TENM1: variants seen among roughly 807,000 people sequenced by gnomAD.
The protein encoded by TENM1 is teneurin transmembrane protein 1.
A neutral mutation model predicts 174.8 loss-of-function variants in TENM1; 35 were observed. The observed-to-expected ratio is 0.20, with a 90% CI of 0.15 to 0.27. The LOEUF (loss-of-function observed/expected upper bound fraction) is 0.27, where lower values mean the gene tolerates loss of function less well. Ranked by LOEUF, TENM1 falls within the 10% of genes least tolerant of loss-of-function variation. The pLI, the probability that TENM1 is intolerant of heterozygous loss-of-function variation, is 1.00. For synonymous variants in TENM1, 781 were observed against 798.7 expected, an observed-to-expected ratio of 0.98 and a Z score of 0.37; for missense variants, 1,633 against 2,130.1, an observed-to-expected ratio of 0.77 and a Z score of 4.59.
At chrX:124,921,526 T>C (rs2058022889) in intron 1 of TENM1, among the ~76,000 whole-genome samples, 1 of 111,996 alleles carries the variant, frequency 8.9e-6, no homozygotes, top group Non-Finnish European at 1.9e-5. Context: ...TATTAAATGT[T>C]ATATGTTATA....
chrX:124,906,390 T>C (rs2057749608), intron 1 of TENM1, among the ~76,000 whole-genome samples: 1 of 112,198 alleles, frequency 8.9e-6, no homozygotes, highest in Non-Finnish European at 1.9e-5. Flanking sequence ...CTGTATATAT[T>C]TGCGTATAAA....
chrX:124,998,741 A>G, the TENM1 span, among the ~76,000 whole-genome samples: 2 of 111,662 alleles, frequency 1.8e-5, no homozygotes, highest in Non-Finnish European at 3.8e-5. Flanking sequence ...TTGGATGTAT[A>G]CTTCAATATA....
At chrX:124,477,841 T>A (rs1197757347) in intron 22 of TENM1, among the ~76,000 whole-genome samples, 1 of 111,886 alleles carries the variant, frequency 8.9e-6, no homozygotes, top group Admixed American at 9.5e-5. Context: ...CTGTAAACTG[T>A]GTGAAACTGG....
intron 23 of TENM1, among the ~76,000 whole-genome samples, chrX:124,426,152 C>G: frequency 9.1e-6 from 1 of 110,449 alleles, no homozygotes; most frequent in Non-Finnish European, 1.9e-5. Context: ...GATTCAATGC[C>G]TACCCTGACA....
chrX:124,406,335 T>C (rs929066064), exon 26 of TENM1: 1 of 1,207,913 alleles, frequency 8.3e-7, no homozygotes, highest in Non-Finnish European at 1.1e-6. Context: ...AAAATATATA[T>C]GGTACTAGTT....
chrX:124,713,581 T>A (rs1178676039), intron 4 of TENM1, among the ~76,000 whole-genome samples: 1 of 112,503 alleles, frequency 8.9e-6, no homozygotes, highest in African/African-American at 3.2e-5. Context: ...AGATCCTTTT[T>A]AAACCTTTCA....
intron 3 of TENM1, among the ~76,000 whole-genome samples, chrX:124,853,613 G>C (rs2056762744): frequency 9.0e-6 from 1 of 111,145 alleles, no homozygotes; most frequent in Non-Finnish European, 1.9e-5. Context: ...CTATGAGGTA[G>C]AAAGCAACAT....
intron 10 of TENM1, among the ~76,000 whole-genome samples, chrX:124,643,463 C>A (rs189998993): frequency 9.0e-6 from 1 of 111,431 alleles, no homozygotes; most frequent in African/African-American, 3.3e-5. Context: ...ATTGCCACCA[C>A]GTAGCAATGT....
the TENM1 span, among the ~76,000 whole-genome samples, chrX:125,026,224 G>A: frequency 9.3e-6 from 1 of 107,567 alleles, no homozygotes; most frequent in African/African-American, 3.4e-5. Context: ...TAATACTCAA[G>A]AGAAAATAAA....
rs73550492 is a variant in TENM1, at chrX:124,537,776, G to A, written c.2652-7793C>T. On this transcript the variant is annotated intron_variant, in intron 15 of 31. Coordinates refer to ENST00000422452, the Ensembl canonical transcript of TENM1. Reference sequence around the variant, plus strand: ...AGAACCAGCTAGAGAGTCATTACAAGCAAATAGTATGACTGAGTAGTAGGT... The same window carrying A: ...AGAACCAGCTAGAGAGTCATTACAAACAAATAGTATGACTGAGTAGTAGGT... 2.5e-3 allele frequency among the ~76,000 whole-genome samples: 276 copies of A among 112,158 alleles called. 3 individuals carry two copies. Among genetic ancestry groups the A allele is most frequent in the African/African-American group, 8.6e-3 (266 of 30,923 alleles).
At chrX:125,024,977 A>G in the TENM1 span, among the ~76,000 whole-genome samples, 7 of 111,244 alleles carry the variant, frequency 6.3e-5, no homozygotes, top group African/African-American at 2.3e-4. Context: ...GTTCACTGTT[A>G]CTTGAACAAG....
intron 1 of TENM1, among the ~76,000 whole-genome samples, chrX:124,901,325 A>G (rs1460074401): frequency 9.0e-6 from 1 of 111,129 alleles, no homozygotes; most frequent in African/African-American, 3.3e-5. Flanking sequence ...TTTAAATGCT[A>G]TGAAGCACTG....
rs140882420 is a variant in TENM1 at position 124,383,673 on chromosome X, G to C, written c.7258C>G (p.Pro2420Ala). 18 of 1,209,545 alleles carry C rather than the reference G, an allele frequency of 1.5e-5. No individual in the cohort carries two copies. The highest frequency in any genetic ancestry group is 1.9e-5 in the Non-Finnish European group (17 of 893,720). ...GCAACATCTTGAATTTTGCCAACTG[G>C]GTAGTTATTTTCAAAGGAGTAGAGG... Residue 2420 changes from proline (P) to alanine (A), a missense_variant, in exon 30 of 32, where the codon CCA becomes GCA. Coordinates refer to ENST00000422452, the Ensembl canonical transcript of TENM1.
the TENM1 span, among the ~76,000 whole-genome samples, chrX:125,175,704 C>T: frequency 9.1e-6 from 1 of 109,298 alleles, no homozygotes; most frequent in Non-Finnish European, 1.9e-5. Context: ...AGGAGGGCCA[C>T]ATAGCAGAAA....
At chrX:124,949,766 A>G (rs1434306488) in intron 1 of TENM1, among the ~76,000 whole-genome samples, 2 of 112,056 alleles carry the variant, frequency 1.8e-5, no homozygotes, top group African/African-American at 6.5e-5. Flanking sequence ...ACCCAGGAGT[A>G]TAGCCAAATT....
intron 11 of TENM1, among the ~76,000 whole-genome samples, chrX:124,578,064 T>G (rs1246987083): frequency 2.8e-5 from 3 of 105,797 alleles, no homozygotes; most frequent in Non-Finnish European, 3.9e-5. Context: ...CAGCTGGAAC[T>G]ACAGACACAT....
the TENM1 span, among the ~76,000 whole-genome samples, chrX:125,084,973 G>A: frequency 9.0e-6 from 1 of 110,715 alleles, no homozygotes; most frequent in Admixed American, 9.7e-5. Flanking sequence ...CATAGTTTCT[G>A]AGGTCTTTTC....
the TENM1 span, among the ~76,000 whole-genome samples, chrX:125,044,087 C>T: frequency 2.2e-5 from 1 of 45,999 alleles, no homozygotes; most frequent in East Asian, 6.9e-4. Flanking sequence ...GTGGGTGCAG[C>T]GCACCAGCAT....
intron 4 of TENM1, among the ~76,000 whole-genome samples, chrX:124,728,374 T>A (rs2053490079): frequency 9.0e-6 from 1 of 111,528 alleles, no homozygotes; most frequent in African/African-American, 3.3e-5. Flanking sequence ...GCCAACCTGG[T>A]CAAGAGTATT....
Sources: gnomAD v4.1 joint callset for allele counts (sites outside exome capture counted in the v4.1 genomes callset) on GRCh38, gnomAD v4.1.1 for gene constraint, MANE v1.5 for transcripts, NCBI Gene and HGNC (gene_info 2026-07-23, HGNC 2026-07-21) for gene names.